The following COL13A1 variants were observed in gnomAD, a reference collection of about 807,000 sequenced individuals.
COL13A1 encodes the protein collagen type XIII alpha 1 chain.
A neutral mutation model predicts 130.9 loss-of-function variants in COL13A1; 89 were observed. That is an observed-to-expected ratio of 0.68 (90% confidence interval 0.57 to 0.81). COL13A1 has a LOEUF of 0.81. Ranked by LOEUF, COL13A1 falls within the 30% of genes least tolerant of loss-of-function variation. The probability of loss-of-function intolerance (pLI) is 0.00; values close to 1 mark genes in which losing one functional copy is unlikely to be tolerated. For synonymous variants in COL13A1, 402 were observed against 341.6 expected (o/e 1.18, Z -1.95); for missense variants, 879 against 934.6 (o/e 0.94, Z 0.78).
chr10:69,806,672 C>G (rs1841667573), intron 1 of COL13A1, among the ~76,000 whole-genome samples: 2 of 152,192 alleles, frequency 1.3e-5, no homozygotes, highest in African/African-American at 4.8e-5. Flanking sequence ...TAGGACTGGG[C>G]AGCCGTGTGC....
At chr10:69,816,621 G>T (rs1316264770) in intron 1 of COL13A1, among the ~76,000 whole-genome samples, 1 of 152,154 alleles carries the variant, frequency 6.6e-6, no homozygotes, top group Non-Finnish European at 1.5e-5. Flanking sequence ...AAGTAGATAA[G>T]AAGGAATCAG....
In COL13A1 at chr10:69,918,937, G is replaced by C; in HGVS notation, c.1000-125G>C. 3.6e-6 allele frequency: 4 copies of C among 1,096,288 alleles called. No individual in the cohort carries two copies. The South Asian group carries it at 5.4e-5, about 15-fold the overall frequency. The allele number at this position is 1,096,288 out of a possible 1,614,324, so 67.9% of individuals were successfully genotyped here. ...CTGATGCCTGAACAGAGAAGAGCCG[G>C]GGCTGGCCAGATGTTTCACTAACCC... is the stretch of plus-strand genomic sequence containing the variant. On this transcript the variant is annotated intron_variant, in intron 19 of 40. Coordinates refer to ENST00000645393, the MANE Select transcript of COL13A1 (RefSeq NM_001368882.1).
chr10:69,958,072 C>G (rs1336543743), intron 40 of COL13A1, among the ~76,000 whole-genome samples: 2 of 152,054 alleles, frequency 1.3e-5, no homozygotes, highest in African/African-American at 4.8e-5. Context: ...TGACCACCTA[C>G]CTGCCTGGAT....
At chr10:69,936,406 G>A (rs780074111) in intron 32 of COL13A1, among the ~76,000 whole-genome samples, 9 of 152,178 alleles carry the variant, frequency 5.9e-5, no homozygotes, top group Admixed American at 1.3e-4. Context: ...AGGAGCCAGC[G>A]TTTATTGAAA....
intron 2 of COL13A1, among the ~76,000 whole-genome samples, chr10:69,852,364 A>G (rs2704481): frequency 0.97 from 148,260 of 152,344 alleles, 72,292 homozygotes; most frequent in Middle Eastern, 1. Context: ...TCAGGTACTG[A>G]TTTATCATTT....
intron 28 of COL13A1, among the ~76,000 whole-genome samples, chr10:69,929,713 C>T (rs2065855678): frequency 6.6e-6 from 1 of 152,176 alleles, no homozygotes. Flanking sequence ...AAGAACCCTT[C>T]TGCAAGGGAG....
chr10:69,907,914 C>T (rs2062956510), intron 17 of COL13A1, among the ~76,000 whole-genome samples: 1 of 152,258 alleles, frequency 6.6e-6, no homozygotes, highest in Non-Finnish European at 1.5e-5. Context: ...AAAGGTCCCA[C>T]CTCTCAACAC....
chr10:69,814,063 C>A (rs748784094), intron 1 of COL13A1, among the ~76,000 whole-genome samples: 2 of 152,232 alleles, frequency 1.3e-5, no homozygotes, highest in Non-Finnish European at 2.9e-5. Context: ...GCTCAGTCTG[C>A]AACGGGGCAG....
intron 38 of COL13A1, among the ~76,000 whole-genome samples, chr10:69,948,462 C>T (rs1466987582): frequency 6.6e-6 from 1 of 152,162 alleles, no homozygotes; most frequent in Admixed American, 6.5e-5. Context: ...GGAGCAGCAG[C>T]GCCACCCCTG....
In COL13A1 at chr10:69,920,025, T is replaced by TA. The variant is rs1174617882; in HGVS notation, c.1089+298_1089+299insA. On this transcript the variant is annotated intron_variant, in intron 21 of 40. Transcript: ENST00000645393. ...TCCTTTCCTTCTCCACATGGCCTGC[T>TA]TCCGAAGGATACCCAAACTAAGCAC... Among the ~76,000 whole-genome samples, 3 of 152,176 alleles carry TA rather than the reference T, an allele frequency of 2.0e-5. No homozygotes were observed. In the East Asian group the frequency reaches 5.8e-4, roughly 29 times the overall value.
At chr10:69,911,205 C>G (rs921237729) in intron 17 of COL13A1, among the ~76,000 whole-genome samples, 1 of 152,222 alleles carries the variant, frequency 6.6e-6, no homozygotes, top group African/African-American at 2.4e-5. Flanking sequence ...CCCCTTGCCC[C>G]TTCTCAATGC....
intron 13 of COL13A1, among the ~76,000 whole-genome samples, chr10:69,896,195 G>C (rs1444102166): frequency 6.6e-6 from 1 of 152,152 alleles, no homozygotes; most frequent in Non-Finnish European, 1.5e-5. Flanking sequence ...ATTTCAGGCT[G>C]AGATGGTTCC....
At position 69,840,783 on chromosome 10, in the gene COL13A1, G is replaced by A. The variant is rs77832393; in HGVS notation, c.364+18345G>A. Among the ~76,000 whole-genome samples, 770 of 152,250 alleles carry A rather than the reference G, an allele frequency of 5.1e-3. 8 individuals carry two copies. The highest frequency in any genetic ancestry group is 0.017 in the African/African-American group (718 of 41,542). On this transcript the variant is annotated intron_variant, in intron 2 of 40. Transcript: ENST00000645393. ...CCCTGAGAGGAAACCTGGGATCTGT[G>A]TGACCTTTAAGTTGACGTCAGGGAG...
In COL13A1 at chr10:69,802,591, A is replaced by T; in HGVS notation, c.168A>T (p.Ala56=). The T allele has an allele frequency of 6.2e-7, 1 of 1,612,348 alleles. No homozygotes were observed. Among genetic ancestry groups the T allele is most frequent in the Non-Finnish European group, 8.5e-7 (1 of 1,179,326 alleles). ...TGACGCTGGCCCTCTGCTCGCTGGC[A>T]CTCAGCCTGCTCGCCCACTTTCGGA... ...GLLTLALCSL[A]LSLLAHFRTA... is the part of the protein sequence containing the mutation. The change falls in exon 1 of 41, where the codon GCA becomes GCT. Residue 56 remains alanine, a synonymous_variant. Coordinates refer to ENST00000645393, the MANE Select transcript of COL13A1 (RefSeq NM_001368882.1).
chr10:69,911,159 C>T (rs1401812953), intron 17 of COL13A1, among the ~76,000 whole-genome samples: 17 of 152,164 alleles, frequency 1.1e-4, no homozygotes, highest in Non-Finnish European at 2.5e-4. Flanking sequence ...CCCACCCAGC[C>T]ATCTCAGCCT....
Position 69,802,502 on chromosome 10 carries a change from G to A in COL13A1, c.79G>A (p.Ala27Thr). The A allele has an allele frequency of 6.5e-7, 1 of 1,542,082 alleles. No homozygotes were observed. Residue 27 changes from alanine to threonine, a missense_variant, in exon 1 of 41, where the codon GCT (alanine) becomes ACT (threonine). By Grantham distance (58) the Ala-to-Thr change is moderately conservative. Around this residue, in one of 3 missense-constraint regions of COL13A1, gnomAD observed 715 missense variants for 721.0 expected, o/e 0.99. Transcript: ENST00000645393. ...GGAGTTGGGCGCGCCCGGGACGGTG[G>A]CTCTGGTGGCGGCGCGGGCGGAGCG... ...PGELGAPGTV[A>T]LVAARAERGA...
rs1049345218 is a variant in COL13A1 at position 69,923,812 on chromosome 10, G to T, written c.1241G>T (p.Gly414Val). ...TCTCCTCTTCCCCAGGGAGAAGCAGGTGTCGATGGCCAGGTTGGCCCCCCA... is the reference window on the plus strand; with the variant it reads ...TCTCCTCTTCCCCAGGGAGAAGCAGTTGTCGATGGCCAGGTTGGCCCCCCA... ...PGPPGPKGEA[G>V]VDGQVGPPGQ... Residue 414 changes from glycine to valine, a missense_variant, in exon 24 of 41, where the codon GGT becomes GTT. By Grantham distance (109) the Gly-to-Val change is moderately radical. Coordinates refer to ENST00000645393, the MANE Select transcript of COL13A1 (RefSeq NM_001368882.1). The T allele has an allele frequency of 3.1e-6, 5 of 1,611,170 alleles. No homozygotes were observed. Among genetic ancestry groups the T allele is most frequent in the Non-Finnish European group, 4.2e-6 (5 of 1,178,988 alleles).
At chr10:69,947,509 C>T (rs1051900290) in intron 38 of COL13A1, among the ~76,000 whole-genome samples, 167 bp downstream of exon 38, 7 of 152,132 alleles carry the variant, frequency 4.6e-5, no homozygotes, top group African/African-American at 1.7e-4. Context: ...ATGTAGGGAG[C>T]CTGGGGCCTG....
intron 13 of COL13A1, chr10:69,897,372 G>A (rs2134933647): frequency 1.6e-6 from 2 of 1,223,644 alleles, no homozygotes; most frequent in South Asian, 2.8e-5. Flanking sequence ...TCCCCAGGGA[G>A]GGAGAGGAGA....
Sources: gnomAD v4.1 joint callset for allele counts (sites outside exome capture counted in the v4.1 genomes callset) on GRCh38, gnomAD v4.1.1 for gene constraint, gnomAD v4.1.1 regional missense constraint, MANE v1.5 for transcripts, NCBI Gene and HGNC (gene_info 2026-07-23, HGNC 2026-07-21) for gene names.